The following NAV3 variants were observed in gnomAD, a reference collection of about 807,000 sequenced individuals.
NAV3 encodes neuron navigator 3.
In NAV3, 87 loss-of-function variants were observed where a neutral mutation model predicts 244.7. The observed-to-expected ratio is 0.36, with a 90% CI of 0.30 to 0.42. The LOEUF is 0.42. Ranked by LOEUF, NAV3 falls within the 20% of genes least tolerant of loss-of-function variation. NAV3 has a pLI of 1.00. For synonymous variants in NAV3, 1,126 were observed against 1,042.2 expected (o/e 1.08, Z -1.55); for missense variants, 2,663 against 2,893.3 (o/e 0.92, Z 1.83).
intron 22 of NAV3, among the ~76,000 whole-genome samples, chr12:78,149,394 G>A (rs1444224004): frequency 1.3e-5 from 2 of 152,078 alleles, no homozygotes; most frequent in Non-Finnish European, 2.9e-5. Context: ...GATGAGATAT[G>A]GTTTGCTCAA....
At chr12:78,049,967 G>A in intron 9 of NAV3, 26 bp from the exon 10 acceptor site, 1 of 1,536,522 alleles carries the variant, frequency 6.5e-7, no homozygotes, top group Non-Finnish European at 8.9e-7. Context: ...GTCATGAATA[G>A]CAAATTTATC....
At chr12:77,851,608 A>AT (rs1305813717) in intron 1 of NAV3, among the ~76,000 whole-genome samples, 1 of 152,178 alleles carries the variant, frequency 6.6e-6, no homozygotes, top group Non-Finnish European at 1.5e-5. Flanking sequence ...GATTGTCGTT[A>AT]TTTTAATGAT....
chr12:77,965,329 A>G (rs1056864251), intron 3 of NAV3, among the ~76,000 whole-genome samples: 7 of 152,322 alleles, frequency 4.6e-5, no homozygotes, highest in African/African-American at 1.7e-4. Flanking sequence ...AATCATTTAA[A>G]ATCCATGGGG....
intron 9 of NAV3, among the ~76,000 whole-genome samples, chr12:78,024,649 A>G (rs935252937): frequency 6.6e-6 from 1 of 152,118 alleles, no homozygotes; most frequent in Non-Finnish European, 1.5e-5. Flanking sequence ...TTTAGGCCAT[A>G]GCATACTATC....
rs2139842125 is a variant in NAV3, at chr12:78,188,303, A to T, written c.5846A>T (p.Lys1949Met). Residue 1949 changes from lysine (K) to methionine (M), a missense_variant, in exon 32 of 40, where the codon AAG becomes ATG. By Grantham distance (95) the Lys-to-Met change is moderately conservative. Coordinates refer to ENST00000397909, the MANE Select transcript of NAV3 (RefSeq NM_001024383.2). ...TCCATTGGTGTTAGTGGAAAAACCAAGTGGGATGTCTTAGATGGTGTAATA... is the reference window on the plus strand; with the variant it reads ...TCCATTGGTGTTAGTGGAAAAACCATGTGGGATGTCTTAGATGGTGTAATA... Reference protein sequence around the residue: ...IGSIGVSGKTKWDVLDGVIRR... With the variant: ...IGSIGVSGKTMWDVLDGVIRR... 6.2e-7 allele frequency: 1 copy of T among 1,611,660 alleles called. No individual in the cohort carries two copies. Among genetic ancestry groups the T allele is most frequent in the Non-Finnish European group, 8.5e-7 (1 of 1,178,366 alleles).
At chr12:77,688,013 A>C (rs1249051993) in intron 2 of NAV3, among the ~76,000 whole-genome samples, 1 of 152,054 alleles carries the variant, frequency 6.6e-6, no homozygotes, top group Non-Finnish European at 1.5e-5. Flanking sequence ...CACACTTTTT[A>C]CTGTATCCAA....
chr12:77,715,088 C>T (rs1319920877), intron 2 of NAV3, among the ~76,000 whole-genome samples: 1 of 151,896 alleles, frequency 6.6e-6, no homozygotes, highest in Non-Finnish European at 1.5e-5. Flanking sequence ...AAAGCAAGAA[C>T]TATAAAAACT....
chr12:77,960,456 C>T (rs1266802466), intron 3 of NAV3, among the ~76,000 whole-genome samples: 51 of 149,220 alleles, frequency 3.4e-4, no homozygotes, highest in Middle Eastern at 3.5e-3. Flanking sequence ...TATATACACA[C>T]ACACACACAC....
chr12:77,951,572 T>C (rs1890885082), intron 3 of NAV3, among the ~76,000 whole-genome samples: 3 of 152,190 alleles, frequency 2.0e-5, no homozygotes, highest in Admixed American at 6.6e-5. Flanking sequence ...TTACTTGGTA[T>C]ATACCCAAAG....
Position 77,976,927 on chromosome 12 carries a change from G to A in NAV3, c.671+8225G>A, listed in dbSNP as rs1391577570. Among the ~76,000 whole-genome samples the A allele has an allele frequency of 3.3e-5, 5 of 151,864 alleles. No individual in the cohort carries two copies. In the South Asian group the frequency reaches 6.2e-4, roughly 19 times the overall value. Reference sequence around the variant, plus strand: ...CTTGACCTCATGATCTGCCTGCCTCGGCCTCCCAAAGTTCTGGGATTACAG... The same window carrying A: ...CTTGACCTCATGATCTGCCTGCCTCAGCCTCCCAAAGTTCTGGGATTACAG... On this transcript the variant is annotated intron_variant, in intron 5 of 39. Coordinates refer to ENST00000397909, the MANE Select transcript of NAV3 (RefSeq NM_001024383.2).
At chr12:77,938,532 G>A (rs1197995831) in intron 1 of NAV3, among the ~76,000 whole-genome samples, 1 of 152,068 alleles carries the variant, frequency 6.6e-6, no homozygotes, top group African/African-American at 2.4e-5. Flanking sequence ...CACCAGATAT[G>A]TACTAGTCTT....
intron 5 of NAV3, among the ~76,000 whole-genome samples, chr12:77,989,086 G>A (rs1342859322): frequency 6.6e-6 from 1 of 152,120 alleles, no homozygotes; most frequent in African/African-American, 2.4e-5. Context: ...TGAACCACAA[G>A]ATTTGATATT....
upstream of NAV3, among the ~76,000 whole-genome samples, chr12:77,827,399 G>T (rs1873126345): frequency 6.6e-6 from 1 of 151,980 alleles, no homozygotes; most frequent in South Asian, 2.1e-4. Context: ...TGGTTTGCAA[G>T]TTGCCATTTT....
chr12:77,596,422 T>C (rs935783111), intron 2 of NAV3, among the ~76,000 whole-genome samples: 1 of 152,282 alleles, frequency 6.6e-6, no homozygotes, highest in East Asian at 1.9e-4. Flanking sequence ...TTTTGCTCAT[T>C]AACAGTGACA....
At chr12:77,928,524 G>A (rs1195110158) in intron 1 of NAV3, among the ~76,000 whole-genome samples, 1 of 151,872 alleles carries the variant, frequency 6.6e-6, no homozygotes, top group East Asian at 1.9e-4. Flanking sequence ...AAAAACTTAT[G>A]TGCCTTATCC....
chr12:77,852,631 G>A lies in NAV3; in HGVS notation c.243+20927G>A, dbSNP rs531929787. ...ATATGCATTATAAGTTTGTGAAAAC[G>A]GCCTAGTAAAATATTTTAAAATTGT... On this transcript the variant is annotated intron_variant, in intron 1 of 39. Transcript: ENST00000397909. 7.2e-5 allele frequency among the ~76,000 whole-genome samples: 11 copies of A among 152,038 alleles called. No individual in the cohort carries two copies. In the South Asian group the frequency reaches 8.3e-4, roughly 12 times the overall value.
chr12:78,197,544 T>A, intron 35 of NAV3, 143 bp downstream of exon 35: 1 of 558,146 alleles, frequency 1.8e-6, no homozygotes. Context: ...TACATATTGA[T>A]TGTGTACACC....
At chr12:77,681,244 A>G (rs1181341827) in intron 2 of NAV3, among the ~76,000 whole-genome samples, 1 of 152,214 alleles carries the variant, frequency 6.6e-6, no homozygotes, top group East Asian at 1.9e-4. Context: ...AAGTCATGTT[A>G]AGAACATTCA....
chr12:77,905,131 TG>T (rs1885827977), intron 1 of NAV3, among the ~76,000 whole-genome samples: 1 of 152,100 alleles, frequency 6.6e-6, no homozygotes, highest in Non-Finnish European at 1.5e-5. Flanking sequence ...CATACAAAAA[TG>T]GTAACAATGT....
Sources: allele counts gnomAD v4.1 joint callset (sites outside exome capture counted in the v4.1 genomes callset), GRCh38; gene constraint gnomAD v4.1.1; transcripts MANE v1.5; gene names NCBI Gene and HGNC (gene_info 2026-07-23, HGNC 2026-07-21).